Variants in FAM234B observed in about 807,000 individuals in gnomAD.
FAM234B encodes the protein family with sequence similarity 234 member B, also known as protein FAM234B.
Under a neutral mutation model 69.3 loss-of-function variants are expected in FAM234B, and 33 were observed. The ratio of observed to expected loss-of-function variants is 0.48; its 90% CI spans 0.36 to 0.64. FAM234B has a LOEUF of 0.64. Among genes scored for constraint, FAM234B ranks in the 30% least tolerant of loss-of-function variants. FAM234B has a pLI of 0.00. For missense variants in FAM234B, 697 were observed against 769.7 expected (o/e 0.91, Z 1.12); for synonymous variants, 306 against 306.9 (o/e 1.00, Z 0.03).
At position 13,071,388 on chromosome 12, in the gene FAM234B, C is replaced by T. The variant is rs1204214448; in HGVS notation, c.1516C>T (p.Pro506Ser). Residue 506 changes from proline to serine, a missense_variant, in exon 10 of 13, where the codon CCC (proline) becomes TCC (serine). By Grantham distance (74) the Pro-to-Ser change is moderately conservative. Coordinates refer to ENST00000197268, the MANE Select transcript of FAM234B (RefSeq NM_020853.2). ...FWAEGLSAASPNSDIILGTEP... is the reference protein window; with the variant it reads ...FWAEGLSAASSNSDIILGTEP... Reference sequence around the variant, plus strand: ...GGCCGAAGGGCTGTCAGCTGCATCTCCCAATTCCGTGAGTGAGCCTGGGAG... The same window carrying T: ...GGCCGAAGGGCTGTCAGCTGCATCTTCCAATTCCGTGAGTGAGCCTGGGAG... 6.2e-7 allele frequency: 1 copy of T among 1,613,990 alleles called. No homozygotes were observed. Among genetic ancestry groups the T allele is most frequent in the Non-Finnish European group, 8.5e-7 (1 of 1,180,008 alleles).
chr12:13,059,238 C>A (rs895209238), intron 3 of FAM234B, among the ~76,000 whole-genome samples: 1 of 152,230 alleles, frequency 6.6e-6, no homozygotes. Context: ...GGTCACAGCT[C>A]GTTTCAAGGT....
intron 11 of FAM234B, among the ~76,000 whole-genome samples, chr12:13,079,111 G>T (rs2120512797): frequency 6.6e-6 from 1 of 152,238 alleles, no homozygotes; most frequent in South Asian, 2.1e-4. Flanking sequence ...AACAAAGCTG[G>T]AGGCATCACG....
At chr12:13,066,187 C>T (rs536305999) in intron 5 of FAM234B, among the ~76,000 whole-genome samples, 3 of 152,200 alleles carry the variant, frequency 2.0e-5, no homozygotes, top group African/African-American at 7.2e-5. Flanking sequence ...TTGCTGTTCT[C>T]TCTTTGAGAA....
In FAM234B at chr12:13,080,694, A is replaced by G. The variant is rs1458505286; in HGVS notation, c.*64A>G. ...TGGATACCCTCTCTACTCTCCTGTCACTGTAAAATCAGTTCTATGGAGAGA... is the reference window on the plus strand; with the variant it reads ...TGGATACCCTCTCTACTCTCCTGTCGCTGTAAAATCAGTTCTATGGAGAGA... On this transcript the variant is annotated 3_prime_UTR_variant, in exon 13 of 13. Coordinates refer to ENST00000197268, the MANE Select transcript of FAM234B (RefSeq NM_020853.2). 1 of 1,377,694 alleles carries G rather than the reference A, an allele frequency of 7.3e-7. No homozygotes were observed. The highest frequency in any genetic ancestry group is 1.2e-5 in the South Asian group (1 of 84,462). The allele number at this position is 1,377,694 out of a possible 1,614,324, so 85.3% of individuals were successfully genotyped here.
At chr12:13,059,856 T>C (rs1017468113) in intron 3 of FAM234B, among the ~76,000 whole-genome samples, 7 of 152,182 alleles carry the variant, frequency 4.6e-5, no homozygotes, top group African/African-American at 1.7e-4. Context: ...TCTACTTAGA[T>C]TTAGAGATGT....
At chr12:13,062,696 A>G in intron 4 of FAM234B, 149 bp from the exon 5 acceptor site, 1 of 716,972 alleles carries the variant, frequency 1.4e-6, no homozygotes, top group Non-Finnish European at 2.3e-6. Context: ...CCTCCTCAGT[A>G]AGACAAAAAC....
In FAM234B at chr12:13,068,438, G is replaced by C. The variant is rs766457809; in HGVS notation, c.1277G>C (p.Gly426Ala). The change falls in exon 8 of 13, where the codon GGC becomes GCC. Residue 426 changes from glycine to alanine, a missense_variant. Coordinates refer to ENST00000197268, the MANE Select transcript of FAM234B (RefSeq NM_020853.2). ...LTPYWALRLQ[G>A]LRSQPTPGYF... ...CCTTACTGGGCATTGAGACTTCAAG[G>C]CCTGCGCAGGTTTGCATTGTGTTCC... The C allele has an allele frequency of 6.2e-6, 10 of 1,613,984 alleles. No homozygotes were observed. Among genetic ancestry groups the C allele is most frequent in the African/African-American group, 1.3e-5 (1 of 74,920 alleles).
At chr12:13,063,244 A>G (rs952479789) in intron 5 of FAM234B, among the ~76,000 whole-genome samples, 1 of 151,984 alleles carries the variant, frequency 6.6e-6, no homozygotes. Context: ...ACCACTTTAT[A>G]TCTTTGAGGC....
intron 1 of FAM234B, among the ~76,000 whole-genome samples, chr12:13,052,200 G>C (rs1815069073): frequency 6.6e-6 from 1 of 152,098 alleles, no homozygotes; most frequent in Admixed American, 6.6e-5. Flanking sequence ...AAAAATTCTT[G>C]AATCAGTGTA....
At chr12:13,061,101 C>G (rs1864978149) in intron 3 of FAM234B, among the ~76,000 whole-genome samples, 1 of 152,242 alleles carries the variant, frequency 6.6e-6, no homozygotes, top group African/African-American at 2.4e-5. Flanking sequence ...CCCCGCGCTG[C>G]ACACGTTCTG....
At position 13,058,499 on chromosome 12, in the gene FAM234B, T is replaced by G; in HGVS notation, c.482T>G (p.Leu161Arg). Reference protein sequence around the residue: ...LELADVNGDGLRDVLLSFVMS... With the variant: ...LELADVNGDGRRDVLLSFVMS... Reference sequence around the variant, plus strand: ...TTGGCTGATGTGAATGGAGATGGCCTGCGTGATGTGCTTCTCTCCTTTGTG... The same window carrying G: ...TTGGCTGATGTGAATGGAGATGGCCGGCGTGATGTGCTTCTCTCCTTTGTG... Residue 161 changes from leucine to arginine, a missense_variant, in exon 3 of 13, where the codon CTG becomes CGG. Leu to Arg is a moderately radical substitution (Grantham distance 102, BLOSUM62 -2). Around this residue, in one of 3 missense-constraint regions of FAM234B, gnomAD observed 380 missense variants for 447.1 expected, o/e 0.85. Coordinates refer to ENST00000197268, the MANE Select transcript of FAM234B (RefSeq NM_020853.2). 1 of 1,614,134 alleles carries G rather than the reference T, an allele frequency of 6.2e-7. No individual in the cohort carries two copies. The highest frequency in any genetic ancestry group is 8.5e-7 in the Non-Finnish European group (1 of 1,180,010).
At position 13,044,558 on chromosome 12, in the gene FAM234B, G is replaced by C; in HGVS notation, c.37+118G>C. Reference sequence around the variant, plus strand: ...CCTCAACCCAGACTCAGCTGCAGGCGCCCGGTGCCGAGGAGGGTGCAGTCC... The same window carrying C: ...CCTCAACCCAGACTCAGCTGCAGGCCCCCGGTGCCGAGGAGGGTGCAGTCC... On this transcript the variant is annotated intron_variant, in intron 1 of 12. Coordinates refer to ENST00000197268, the MANE Select transcript of FAM234B (RefSeq NM_020853.2). This position sits in a 1 kb window ranked among gnomAD's most constrained non-coding sequence, Gnocchi z 5.6. 8.9e-7 allele frequency: 1 copy of C among 1,122,608 alleles called. No homozygotes were observed. The highest frequency in any genetic ancestry group is 1.3e-6 in the Non-Finnish European group (1 of 774,296). The allele number at this position is 1,122,608 out of a possible 1,614,324, so 69.5% of individuals were successfully genotyped here.
chr12:13,079,650 T>G, intron 11 of FAM234B, 139 bp from the exon 12 acceptor site: 1 of 606,752 alleles, frequency 1.6e-6, no homozygotes, highest in Non-Finnish European at 3.0e-6. Flanking sequence ...GCTAGCTCAC[T>G]GCCTTCTGTT....
intron 10 of FAM234B, among the ~76,000 whole-genome samples, chr12:13,071,747 G>A (rs975261535): frequency 3.9e-5 from 6 of 152,082 alleles, no homozygotes; most frequent in African/African-American, 1.2e-4. Flanking sequence ...GTCTGAAGTG[G>A]GCAGAGAGAA....
Position 13,080,730 on chromosome 12 carries a change from G to C in FAM234B, c.*100G>C. On this transcript the variant is annotated 3_prime_UTR_variant, in exon 13 of 13. Transcript: ENST00000197268. ...AGTTCTATGGAGAGAAGACTTCTTC[G>C]TCCTCATTTACCACCTCCCTGATGG... 9.7e-7 allele frequency: 1 copy of C among 1,030,118 alleles called. No homozygotes were observed. The highest frequency in any genetic ancestry group is 1.5e-6 in the Non-Finnish European group (1 of 670,616). 63.8% of individuals were successfully genotyped at this position (1,030,118 alleles called of 1,614,324 possible). A position where few individuals can be genotyped will look rare whatever the true frequency, so the allele number is the denominator to read the frequency against.
intron 11 of FAM234B, among the ~76,000 whole-genome samples, chr12:13,079,142 C>G (rs1865195442): frequency 6.6e-6 from 1 of 152,142 alleles, no homozygotes; most frequent in Admixed American, 6.5e-5. Context: ...TCAAACTATA[C>G]TACAAGGCTA....
chr12:13,052,179 A>G (rs967985606), intron 1 of FAM234B, among the ~76,000 whole-genome samples: 4 of 152,182 alleles, frequency 2.6e-5, no homozygotes, highest in Non-Finnish European at 1.5e-5. Context: ...ATAATTGGCA[A>G]CTTCCCAGAA....
intron 1 of FAM234B, among the ~76,000 whole-genome samples, chr12:13,054,358 G>C (rs1050560234): frequency 6.6e-6 from 1 of 152,184 alleles, no homozygotes; most frequent in Non-Finnish European, 1.5e-5. Flanking sequence ...CACAATTTAT[G>C]TTCTTCTGCC....
At chr12:13,064,072 C>T (rs1382192600) in intron 5 of FAM234B, among the ~76,000 whole-genome samples, 1 of 152,176 alleles carries the variant, frequency 6.6e-6, no homozygotes, top group Non-Finnish European at 1.5e-5. Flanking sequence ...CCCCATCAGT[C>T]ATGAGTTTTG....
Sources: gnomAD v4.1 joint callset for allele counts (sites outside exome capture counted in the v4.1 genomes callset) on GRCh38, gnomAD v4.1.1 for gene constraint, gnomAD v4.1.1 regional missense constraint, Gnocchi (gnomAD v3.1) non-coding constraint, MANE v1.5 for transcripts, NCBI Gene and HGNC (gene_info 2026-07-23, HGNC 2026-07-21) for gene names.